ADGRB3: variants seen among roughly 807,000 people sequenced by gnomAD.
The protein encoded by ADGRB3 is adhesion G protein-coupled receptor B3.
A neutral mutation model predicts 193.4 loss-of-function variants in ADGRB3; 37 were observed. The ratio of observed to expected loss-of-function variants is 0.19; its 90% CI spans 0.15 to 0.25. The LOEUF is 0.25. ADGRB3 is among the 10% of genes least tolerant of loss of function. The pLI is 1.00. For missense variants in ADGRB3, 1,637 were observed against 1,852.9 expected, an observed-to-expected ratio of 0.88 and a Z score of 2.14; for synonymous variants, 690 against 644.2, an observed-to-expected ratio of 1.07 and a Z score of -1.08.
At chr6:69,023,908 G>A (rs1336652) in intron 13 of ADGRB3, among the ~76,000 whole-genome samples, 16,010 of 151,952 alleles carry the variant, frequency 0.11, 1,047 homozygotes, top group Middle Eastern at 0.18. Flanking sequence ...AGATAGTGGA[G>A]GGATTGATAT....
intron 26 of ADGRB3, among the ~76,000 whole-genome samples, chr6:69,347,300 T>A (rs1365095315): frequency 3.3e-5 from 5 of 152,162 alleles, no homozygotes; most frequent in Non-Finnish European, 7.3e-5. Context: ...GGCACATGTA[T>A]ACCTATGTAA....
intron 13 of ADGRB3, among the ~76,000 whole-genome samples, chr6:69,025,972 G>T (rs994660183): frequency 2.0e-5 from 3 of 152,198 alleles, no homozygotes; most frequent in Admixed American, 2.0e-4. Flanking sequence ...GCACACAACT[G>T]AACCCCAGGT....
intron 3 of ADGRB3, among the ~76,000 whole-genome samples, chr6:68,872,896 T>C (rs1435982502): frequency 6.6e-6 from 1 of 152,092 alleles, no homozygotes; most frequent in African/African-American, 2.4e-5. Flanking sequence ...TTTTAATGTA[T>C]TTTTTTGTTG....
chr6:68,879,247 C>T (rs1335342890), intron 3 of ADGRB3, among the ~76,000 whole-genome samples: 29 of 122,456 alleles, frequency 2.4e-4, no homozygotes, highest in South Asian at 5.5e-4. Context: ...GACAGAGTCT[C>T]GCTCTATCCC....
chr6:69,247,248 C>T (rs1766517553), intron 20 of ADGRB3, among the ~76,000 whole-genome samples: 1 of 152,156 alleles, frequency 6.6e-6, no homozygotes, highest in Admixed American at 6.6e-5. Context: ...TTCTGCATAT[C>T]ACCTGCATTC....
At chr6:69,235,828 T>C (rs1766250983) in intron 19 of ADGRB3, among the ~76,000 whole-genome samples, 2 of 152,082 alleles carry the variant, frequency 1.3e-5, no homozygotes, top group South Asian at 2.1e-4. Context: ...GAATTAGACC[T>C]GTGAAGTTTA....
At chr6:68,637,657 A>G (rs1331892769) in intron 2 of ADGRB3, 95 bp downstream of exon 2, 1 of 152,548 alleles carries the variant, frequency 6.6e-6, no homozygotes, top group Non-Finnish European at 1.5e-5. Flanking sequence ...TTGTTGTTGG[A>G]AAGGGAGCAA....
intron 13 of ADGRB3, among the ~76,000 whole-genome samples, chr6:69,043,343 G>GAAAGAGAAAGAA (rs1771144672): frequency 1.7e-5 from 1 of 57,286 alleles, no homozygotes; most frequent in Non-Finnish European, 4.0e-5. Flanking sequence ...AGAAAGAAAA[G>GAAAGAGAAAGAA]AAGATTAAGT....
At chr6:68,935,930 G>A (rs897364849) in intron 4 of ADGRB3, among the ~76,000 whole-genome samples, 3 of 151,998 alleles carry the variant, frequency 2.0e-5, no homozygotes, top group Non-Finnish European at 2.9e-5. Flanking sequence ...GTTAGCAGAA[G>A]GATTTAAATA....
intron 17 of ADGRB3, among the ~76,000 whole-genome samples, chr6:69,121,637 A>G (rs1165774250): frequency 4.8e-5 from 7 of 146,980 alleles, no homozygotes; most frequent in Non-Finnish European, 1.5e-5. Context: ...GCAGCGGGAC[A>G]GAGGCACTCC....
chr6:68,840,132 A>C (rs914213383), intron 3 of ADGRB3, among the ~76,000 whole-genome samples: 1 of 152,282 alleles, frequency 6.6e-6, no homozygotes, highest in East Asian at 1.9e-4. Context: ...ATTCTAGGCC[A>C]CAAAGACTGC....
chr6:68,841,941 A>G (rs1024260493), intron 3 of ADGRB3, among the ~76,000 whole-genome samples: 3 of 151,956 alleles, frequency 2.0e-5, no homozygotes, highest in Non-Finnish European at 4.4e-5. Flanking sequence ...AACAAATGAC[A>G]CCTAGTATTT....
chr6:68,799,890 G>A (rs1176561274), intron 3 of ADGRB3, among the ~76,000 whole-genome samples: 2 of 152,170 alleles, frequency 1.3e-5, no homozygotes, highest in Non-Finnish European at 2.9e-5. Context: ...GGGTAGAGGA[G>A]TGATAGGAAA....
At chr6:68,977,133 A>G (rs116910494) in intron 10 of ADGRB3, among the ~76,000 whole-genome samples, 4,422 of 150,304 alleles carry the variant, frequency 0.029, 82 homozygotes, top group East Asian at 0.052. Context: ...GTTTCTATTT[A>G]GAGACAAAAA....
intron 13 of ADGRB3, among the ~76,000 whole-genome samples, chr6:69,031,037 CTCTCTTCTCTTCTCT>C (rs749578717): frequency 0.065 from 2,380 of 36,348 alleles, 221 homozygotes; most frequent in East Asian, 0.19. Flanking sequence ...CTCTTCTCTT[CTCTCTTCTCTTCTCT>C]TCTCTTCTCT....
intron 20 of ADGRB3, among the ~76,000 whole-genome samples, chr6:69,306,054 C>G (rs557766504): frequency 6.6e-6 from 1 of 151,464 alleles, no homozygotes; most frequent in Non-Finnish European, 1.5e-5. Context: ...AAATACTATG[C>G]CATTTTATAT....
intron 17 of ADGRB3, among the ~76,000 whole-genome samples, chr6:69,079,585 G>A (rs1046604565): frequency 9.2e-5 from 14 of 152,050 alleles, no homozygotes; most frequent in African/African-American, 1.9e-4. Flanking sequence ...GGGCAATCAG[G>A]CAAGGGAAAG....
intron 20 of ADGRB3, among the ~76,000 whole-genome samples, chr6:69,316,640 T>C (rs73746000): frequency 0.016 from 2,490 of 151,604 alleles, 68 homozygotes; most frequent in African/African-American, 0.056. Flanking sequence ...AAAGTTTTTG[T>C]GGCCTGCTGA....
chr6:68,738,574 G>T (rs755773896), intron 3 of ADGRB3, among the ~76,000 whole-genome samples: 2 of 152,110 alleles, frequency 1.3e-5, no homozygotes, highest in Non-Finnish European at 2.9e-5. Context: ...AATTATTTGA[G>T]TCTGGCTATG....
Sources: allele counts gnomAD v4.1 joint callset (sites outside exome capture counted in the v4.1 genomes callset), GRCh38; gene constraint gnomAD v4.1.1; transcripts MANE v1.5; gene names NCBI Gene and HGNC (gene_info 2026-07-23, HGNC 2026-07-21).